The following MFHAS1 variants were observed in gnomAD, a reference collection of about 807,000 sequenced individuals.
MFHAS1 encodes the protein multifunctional ROCO family signaling regulator 1, also known as malignant fibrous histiocytoma-amplified sequence 1.
A neutral mutation model predicts 70.4 loss-of-function variants in MFHAS1; 50 were observed. That is an observed-to-expected ratio of 0.71 (90% CI 0.57 to 0.90). MFHAS1 has a LOEUF of 0.90. Among genes scored for constraint, MFHAS1 ranks in the 40% least tolerant of loss-of-function variants. MFHAS1 has a pLI of 0.00. For synonymous variants in MFHAS1, 952 were observed against 620.0 expected, an observed-to-expected ratio of 1.54 and a Z score of -7.96; for missense variants, 1,795 against 1,347.6, an observed-to-expected ratio of 1.33 and a Z score of -5.20.
intron 2 of MFHAS1, among the ~76,000 whole-genome samples, chr8:8,794,482 G>C (rs944308106): frequency 6.6e-6 from 1 of 152,192 alleles, no homozygotes; most frequent in Non-Finnish European, 1.5e-5. Context: ...TGTGTTCATG[G>C]ATGTAAACTG....
At chr8:8,794,197 A>G (rs971523274) in intron 2 of MFHAS1, among the ~76,000 whole-genome samples, 2 of 148,964 alleles carry the variant, frequency 1.3e-5, no homozygotes, top group Admixed American at 6.7e-5. Flanking sequence ...GTCAAAAAAG[A>G]AAAAAAAAAG....
intron 1 of MFHAS1, among the ~76,000 whole-genome samples, chr8:8,880,908 C>A (rs943375371): frequency 6.6e-6 from 1 of 152,078 alleles, no homozygotes; most frequent in Non-Finnish European, 1.5e-5. Flanking sequence ...TGTTCTCGAA[C>A]TCCTGACCTC....
intron 1 of MFHAS1, among the ~76,000 whole-genome samples, chr8:8,869,947 T>G (rs145889953): frequency 0.018 from 2,746 of 152,236 alleles, 67 homozygotes; most frequent in Admixed American, 0.054. Flanking sequence ...AAGTGGTCCC[T>G]CTGACTCCAT....
chr8:8,832,961 A>T (rs536547046), intron 1 of MFHAS1, among the ~76,000 whole-genome samples: 2 of 152,278 alleles, frequency 1.3e-5, no homozygotes, highest in South Asian at 4.1e-4. Context: ...ATTGGCTCAC[A>T]GTTCTGCAGG....
At chr8:8,875,903 G>C (rs55945809) in intron 1 of MFHAS1, among the ~76,000 whole-genome samples, 7 of 152,060 alleles carry the variant, frequency 4.6e-5, no homozygotes, top group Non-Finnish European at 8.8e-5. Context: ...TTTTTATAAA[G>C]GGGAAAAAGC....
intron 2 of MFHAS1, among the ~76,000 whole-genome samples, chr8:8,790,756 A>C (rs1226022116): frequency 6.6e-6 from 1 of 152,162 alleles, no homozygotes; most frequent in Admixed American, 6.5e-5. Context: ...AGTTCATGCT[A>C]ATTTGTGTGC....
rs759291642 is a variant in MFHAS1 at position 8,890,607 on chromosome 8, G to C, written c.2452C>G (p.Gln818Glu). Residue 818 changes from glutamine to glutamate, a missense_variant, in exon 1 of 3, where the codon CAG (glutamine) becomes GAG (glutamate). Gln to Glu is a conservative substitution (Grantham distance 29). Coordinates refer to ENST00000276282, the MANE Select transcript of MFHAS1 (RefSeq NM_004225.3). Reference protein sequence around the residue: ...KPHVQAQQDLQLLLELLEKMG... With the variant: ...KPHVQAQQDLELLLELLEKMG... ...TTCTCCAGCAGCTCCAGCAACAGCT[G>C]CAAGTCCTGCTGGGCCTGGACATGA... 2 of 1,613,920 alleles carry C rather than the reference G, an allele frequency of 1.2e-6. No individual in the cohort carries two copies. Among genetic ancestry groups the C allele is most frequent in the East Asian group, 4.5e-5 (2 of 44,892 alleles).
intron 1 of MFHAS1, among the ~76,000 whole-genome samples, chr8:8,822,387 G>C (rs1414074478): frequency 2.0e-5 from 3 of 152,182 alleles, no homozygotes; most frequent in Admixed American, 6.5e-5. Context: ...CAGAGGGACA[G>C]AGATGGGGGC....
At chr8:8,860,786 G>A (rs1021435583) in intron 1 of MFHAS1, among the ~76,000 whole-genome samples, 2 of 152,190 alleles carry the variant, frequency 1.3e-5, no homozygotes, top group Admixed American at 6.5e-5. Context: ...TTGAAAAAGG[G>A]TGAGAGAGAT....
At chr8:8,866,802 T>G (rs1389875155) in intron 1 of MFHAS1, among the ~76,000 whole-genome samples, 3 of 152,174 alleles carry the variant, frequency 2.0e-5, no homozygotes, top group Non-Finnish European at 2.9e-5. Flanking sequence ...ATATCTCTCA[T>G]CCTGTGAACC....
At chr8:8,882,728 T>G (rs902166940) in intron 1 of MFHAS1, among the ~76,000 whole-genome samples, 1 of 152,248 alleles carries the variant, frequency 6.6e-6, no homozygotes, top group African/African-American at 2.4e-5. Flanking sequence ...GCTTCATTCA[T>G]GCTAGAGCAG....
chr8:8,871,137 T>A (rs1809060442), intron 1 of MFHAS1, among the ~76,000 whole-genome samples: 1 of 152,200 alleles, frequency 6.6e-6, no homozygotes, highest in African/African-American at 2.4e-5. Context: ...ACCTGGGCTC[T>A]GCTACATGCT....
At chr8:8,884,690 C>A (rs1339217596) in intron 1 of MFHAS1, among the ~76,000 whole-genome samples, 1 of 152,138 alleles carries the variant, frequency 6.6e-6, no homozygotes, top group Non-Finnish European at 1.5e-5. Context: ...TCAGGCAGGG[C>A]ATGGTGGCTC....
rs116404893 is a variant in MFHAS1 at position 8,786,869 on chromosome 8, C to T, written c.3126-814G>A. Among the ~76,000 whole-genome samples the T allele has an allele frequency of 2.8e-3, 427 of 152,084 alleles. 1 individual carries two copies. The highest frequency in any genetic ancestry group is 0.01 in the African/African-American group (421 of 41,478). Reference sequence around the variant, plus strand: ...TGCCTAAACACTTCTCCAGTCCATACAAGATTCAGTCATGGGCTCATTCAA... The same window carrying T: ...TGCCTAAACACTTCTCCAGTCCATATAAGATTCAGTCATGGGCTCATTCAA... On this transcript the variant is annotated intron_variant, in intron 2 of 2. Coordinates refer to ENST00000276282, the MANE Select transcript of MFHAS1 (RefSeq NM_004225.3).
chr8:8,792,595 G>A (rs1805756659), intron 2 of MFHAS1, among the ~76,000 whole-genome samples: 1 of 152,120 alleles, frequency 6.6e-6, no homozygotes, highest in Admixed American at 6.5e-5. Context: ...TACAGAGTGA[G>A]ACTTCATCTC....
At position 8,784,191 on chromosome 8, in the gene MFHAS1, G is replaced by C. The variant is rs1011217750; in HGVS notation, c.*1831C>G. On this transcript the variant is annotated 3_prime_UTR_variant, in exon 3 of 3. Transcript: ENST00000276282. ...CAAAGTTGGTTAATTTAACAGTTGA[G>C]GAACCGTCTCATGCCAATTAAAAAA... 6.6e-6 allele frequency: 1 copy of C among 152,026 alleles called. No homozygotes were observed. The highest frequency in any genetic ancestry group is 6.6e-5 in the Admixed American group (1 of 15,262). 9.4% of individuals were successfully genotyped at this position (152,026 alleles called of 1,614,324 possible). A position where few individuals can be genotyped will look rare whatever the true frequency, so the allele number is the denominator to read the frequency against.
chr8:8,860,973 T>C (rs1808638377), intron 1 of MFHAS1, among the ~76,000 whole-genome samples: 2 of 152,196 alleles, frequency 1.3e-5, no homozygotes. Flanking sequence ...GCAATGGACA[T>C]GACAAGAACT....
At chr8:8,805,105 C>CACA in intron 1 of MFHAS1, among the ~76,000 whole-genome samples, 1 of 152,310 alleles carries the variant, frequency 6.6e-6, no homozygotes, top group African/African-American at 2.4e-5. Flanking sequence ...GGCCTCAGAT[C>CACA]ACAACGGCCC....
intron 1 of MFHAS1, among the ~76,000 whole-genome samples, chr8:8,821,427 C>T (rs1806952617): frequency 6.6e-6 from 1 of 152,230 alleles, no homozygotes; most frequent in Non-Finnish European, 1.5e-5. Flanking sequence ...TGGAGAATAG[C>T]ATGAAGCAGT....
Sources: allele counts gnomAD v4.1 joint callset (sites outside exome capture counted in the v4.1 genomes callset), GRCh38; gene constraint gnomAD v4.1.1; transcripts MANE v1.5; gene names NCBI Gene and HGNC (gene_info 2026-07-23, HGNC 2026-07-21).